KATNA1: variants seen among roughly 807,000 people sequenced by gnomAD.
KATNA1 encodes the protein katanin p60 ATPase-containing subunit A1.
Under a neutral mutation model 62.6 loss-of-function variants are expected in KATNA1, and 42 were observed. That is an observed-to-expected ratio of 0.67 (90% CI 0.52 to 0.87). The LOEUF (loss-of-function observed/expected upper bound fraction) is 0.87. Among genes scored for constraint, KATNA1 ranks in the 40% least tolerant of loss-of-function variants. KATNA1 has a pLI of 0.00. For missense variants in KATNA1, 498 were observed against 612.5 expected, an observed-to-expected ratio of 0.81 and a Z score of 1.97; for synonymous variants, 186 against 201.9, an observed-to-expected ratio of 0.92 and a Z score of 0.67.
chr6:149,618,253 G>A (rs1481611799), intron 4 of KATNA1, among the ~76,000 whole-genome samples: 2 of 151,476 alleles, frequency 1.3e-5, no homozygotes, highest in African/African-American at 4.8e-5. Flanking sequence ...TGAGACGGGC[G>A]GATCACCTGA....
At chr6:149,644,540 A>G (rs9800871) in intron 1 of KATNA1, among the ~76,000 whole-genome samples, 70,528 of 151,762 alleles carry the variant, frequency 0.46, 17,788 homozygotes, top group East Asian at 0.81. Flanking sequence ...AGGATCACCC[A>G]AGCCCAGGAG....
intron 3 of KATNA1, among the ~76,000 whole-genome samples, chr6:149,628,651 C>T (rs994646668): frequency 1.6e-4 from 24 of 151,550 alleles, no homozygotes; most frequent in Non-Finnish European, 3.4e-4. Context: ...GAAACCCCGT[C>T]TCTACTAATA....
rs1481264536 is a variant in KATNA1 at position 149,597,640 on chromosome 6, A to G, written c.1017T>C (p.Gly339=). 1.2e-6 allele frequency: 2 copies of G among 1,613,272 alleles called. No homozygotes were observed. Among genetic ancestry groups the G allele is most frequent in the African/African-American group, 2.7e-5 (2 of 74,900 alleles). The change falls in exon 9 of 11, where the codon GGT becomes GGC. Residue 339 remains glycine (G), a splice_region_variant and synonymous_variant. Coordinates refer to ENST00000367411, the MANE Select transcript of KATNA1 (RefSeq NM_007044.4). The part of the protein sequence containing the change: ...VKAELLVQMD[G]VGGTSENDDP... Reference sequence around the variant, plus strand: ...CATCATTTTCAGAAGTACCTCCAACACCTAAAATAAGGGTAAGGGGAGAGT... The same window carrying G: ...CATCATTTTCAGAAGTACCTCCAACGCCTAAAATAAGGGTAAGGGGAGAGT...
intron 4 of KATNA1, among the ~76,000 whole-genome samples, chr6:149,622,350 G>T (rs565646104): frequency 6.6e-6 from 1 of 152,026 alleles, no homozygotes; most frequent in South Asian, 2.1e-4. Context: ...TTGTTTTTAC[G>T]TAAAAGAATG....
chr6:149,637,243 C>G (rs1780096578), intron 2 of KATNA1, among the ~76,000 whole-genome samples: 1 of 151,678 alleles, frequency 6.6e-6, no homozygotes, highest in Admixed American at 6.6e-5. Context: ...GAGATCCCAT[C>G]TCTACCAAAA....
chr6:149,597,530 C>G lies in KATNA1; in HGVS notation c.1127G>C (p.Arg376Pro). ...DEALRRRLEKRIYIPLPSAKG... is the reference protein window; with the variant it reads ...DEALRRRLEKPIYIPLPSAKG... ...ACCTGACGGCAAAGGAATATAGATTCGTTTCTCAAGGCGTCGTCTTAAAGC... is the reference window on the plus strand; with the variant it reads ...ACCTGACGGCAAAGGAATATAGATTGGTTTCTCAAGGCGTCGTCTTAAAGC... The change falls in exon 9 of 11, where the codon CGA becomes CCA. Residue 376 changes from arginine to proline, a missense_variant. Arg to Pro is a moderately radical substitution (Grantham distance 103). This residue lies in a region of KATNA1 where 267 missense variants were observed against 372.6 expected (regional missense o/e 0.72). Coordinates refer to ENST00000367411, the MANE Select transcript of KATNA1 (RefSeq NM_007044.4). The G allele has an allele frequency of 6.2e-7, 1 of 1,614,022 alleles. No homozygotes were observed. Among genetic ancestry groups the G allele is most frequent in the Non-Finnish European group, 8.5e-7 (1 of 1,179,952 alleles).
At chr6:149,631,571 A>AC (rs1385724290) in intron 3 of KATNA1, 2 of 151,492 alleles carry the variant, frequency 1.3e-5, no homozygotes, top group African/African-American at 4.9e-5. Flanking sequence ...AAACAAAAAA[A>AC]AAACAAAAAA....
intron 3 of KATNA1, among the ~76,000 whole-genome samples, chr6:149,627,706 C>T (rs952962002): frequency 1.3e-4 from 19 of 148,228 alleles, no homozygotes; most frequent in Non-Finnish European, 2.7e-4. Context: ...GGGAAAGGGG[C>T]TACAGGATCA....
At chr6:149,597,400 T>G in intron 9 of KATNA1, 107 bp downstream of exon 9, 3 of 1,338,988 alleles carry the variant, frequency 2.2e-6, no homozygotes, top group Non-Finnish European at 3.1e-6. Context: ...AGGAAGATAC[T>G]CCTCATGTAT....
intron 2 of KATNA1, among the ~76,000 whole-genome samples, chr6:149,633,308 C>A (rs1383381619): frequency 1.3e-5 from 2 of 151,916 alleles, no homozygotes; most frequent in African/African-American, 4.8e-5. Flanking sequence ...AGGGTTTCAC[C>A]ATGTTAGCCA....
intron 3 of KATNA1, chr6:149,631,649 T>C (rs1779845635): frequency 6.6e-6 from 1 of 151,820 alleles, no homozygotes; most frequent in Admixed American, 6.6e-5. Context: ...AACATCTTAA[T>C]GCAAGGTTAA....
Position 149,603,378 on chromosome 6 carries a change from AAG to A in KATNA1, c.624-7_624-6del, listed in dbSNP as rs779127133. On this transcript the variant is annotated splice_polypyrimidine_tract_variant and splice_region_variant and intron_variant, in intron 5 of 10. Transcript: ENST00000367411. Reference sequence around the variant, plus strand: ...ACTAAATCAGCGATATCATCCCTGAAAGAGAAGACATTTTATTAACAACCCTT... The same window carrying A: ...ACTAAATCAGCGATATCATCCCTGAAAGAAGACATTTTATTAACAACCCTT... 1 of 1,422,892 alleles carries A rather than the reference AAG, an allele frequency of 7.0e-7. No homozygotes were observed. The highest frequency in any genetic ancestry group is 9.9e-7 in the Non-Finnish European group (1 of 1,011,654). The allele number at this position is 1,422,892 out of a possible 1,614,324, so 88.1% of individuals were successfully genotyped here.
rs1359453108 is a variant in KATNA1, at chr6:149,595,243, T to C, written c.1278-9A>G. The C allele has an allele frequency of 6.8e-6, 11 of 1,608,872 alleles. No homozygotes were observed. Among genetic ancestry groups the C allele is most frequent in the Non-Finnish European group, 9.4e-6 (11 of 1,176,458 alleles). On this transcript the variant is annotated splice_polypyrimidine_tract_variant and intron_variant, in intron 10 of 10. Coordinates refer to ENST00000367411, the MANE Select transcript of KATNA1 (RefSeq NM_007044.4). ...CCATCAAGGACGCATCCCTAGGTTT[T>C]AAGTTAAAAACAACAACAACACACA...
chr6:149,622,171 C>T (rs1271089431), intron 4 of KATNA1, among the ~76,000 whole-genome samples: 5 of 149,648 alleles, frequency 3.3e-5, no homozygotes, highest in South Asian at 2.1e-4. Flanking sequence ...CTCGCTCTGT[C>T]GCCCAGGCTG....
chr6:149,611,474 A>G (rs1484439356), intron 4 of KATNA1, among the ~76,000 whole-genome samples: 2 of 144,334 alleles, frequency 1.4e-5, no homozygotes, highest in East Asian at 3.9e-4. Flanking sequence ...AAAAAAAAAA[A>G]AAAAAGAAAA....
chr6:149,597,140 C>A lies in KATNA1; in HGVS notation c.1200G>T (p.Leu400Phe). The change falls in exon 10 of 11, where the codon TTG (leucine) becomes TTT (phenylalanine). Residue 400 changes from leucine to phenylalanine, a missense_variant. Leu to Phe is a conservative substitution (Grantham distance 22). Around this residue, in one of 3 missense-constraint regions of KATNA1, gnomAD observed 267 missense variants for 372.6 expected, o/e 0.72. Transcript: ENST00000367411. ...TACTTGCAAGGTCAACATCATCAGC[C>A]AATTCCAACTCACGTAGACTTATTC... The part of the protein sequence containing the change: ...LLRISLRELE[L>F]ADDVDLASIA... The A allele has an allele frequency of 6.2e-7, 1 of 1,614,164 alleles. No homozygotes were observed. Among genetic ancestry groups the A allele is most frequent in the South Asian group, 1.1e-5 (1 of 91,074 alleles).
intron 3 of KATNA1, among the ~76,000 whole-genome samples, chr6:149,630,003 C>T (rs1283493252): frequency 1.3e-5 from 2 of 152,130 alleles, no homozygotes; most frequent in Non-Finnish European, 2.9e-5. Context: ...CAGTAATATG[C>T]AATGATTGTT....
chr6:149,621,654 G>A (rs983132563), intron 4 of KATNA1, among the ~76,000 whole-genome samples: 5 of 151,130 alleles, frequency 3.3e-5, no homozygotes, highest in Admixed American at 2.0e-4. Context: ...CAACATGTCC[G>A]GCTAATTTTT....
chr6:149,607,766 G>T (rs2115093003), intron 4 of KATNA1, among the ~76,000 whole-genome samples: 1 of 152,208 alleles, frequency 6.6e-6, no homozygotes, highest in South Asian at 2.1e-4. Flanking sequence ...AAGTCCTTGG[G>T]TTTAAAACTA....
Sources: gnomAD v4.1 joint callset for allele counts (sites outside exome capture counted in the v4.1 genomes callset) on GRCh38, gnomAD v4.1.1 for gene constraint, gnomAD v4.1.1 regional missense constraint, MANE v1.5 for transcripts, NCBI Gene and HGNC (gene_info 2026-07-23, HGNC 2026-07-21) for gene names.